The following PUM1 variants were observed in gnomAD, a reference collection of about 807,000 sequenced individuals.
PUM1 encodes the protein pumilio homolog 1.
Under a neutral mutation model 131.8 loss-of-function variants are expected in PUM1, and 13 were observed. The ratio of observed to expected loss-of-function variants is 0.10; its 90% CI spans 0.06 to 0.16. PUM1 has a LOEUF of 0.16. Ranked by LOEUF, PUM1 falls within the 10% of genes least tolerant of loss-of-function variation. The pLI is 1.00. For missense variants in PUM1, 961 were observed against 1,512.4 expected, an observed-to-expected ratio of 0.64 and a Z score of 6.05; for synonymous variants, 509 against 556.5, an observed-to-expected ratio of 0.91 and a Z score of 1.20.
intron 2 of PUM1, among the ~76,000 whole-genome samples, chr1:31,044,359 G>T (rs992291294): frequency 1.7e-4 from 26 of 152,102 alleles, no homozygotes; most frequent in African/African-American, 6.0e-4. Context: ...CTGAGATCGT[G>T]CCACTGCACT....
chr1:31,002,354 T>A lies in PUM1; in HGVS notation c.720+3499A>T, dbSNP rs115158464. On this transcript the variant is annotated intron_variant, in intron 5 of 21. Transcript: ENST00000426105. The stretch of plus-strand genomic sequence containing the variant: ...AGAACAAACAGAAAGACCTTCCCAA[T>A]ATATTTTTTCTAAAAATCTTTCTTC... Among the ~76,000 whole-genome samples, 489 of 152,290 alleles carry A rather than the reference T, an allele frequency of 3.2e-3. 2 individuals are homozygous for A. Among genetic ancestry groups the A allele is most frequent in the African/African-American group, 0.011 (469 of 41,566 alleles).
intron 15 of PUM1, 65 bp downstream of exon 15, chr1:30,953,649 C>T: frequency 6.4e-7 from 1 of 1,566,988 alleles, no homozygotes; most frequent in East Asian, 2.3e-5. Flanking sequence ...AGATACCCAT[C>T]TGAGCCAAGA....
At chr1:31,034,365 G>A (rs1289297252) in intron 2 of PUM1, among the ~76,000 whole-genome samples, 3 of 152,140 alleles carry the variant, frequency 2.0e-5, no homozygotes, top group Admixed American at 1.3e-4. Context: ...TAAAACAAAT[G>A]TACAGGCTCA....
At chr1:31,046,869 C>T (rs1324801137) in intron 2 of PUM1, among the ~76,000 whole-genome samples, 1 of 152,002 alleles carries the variant, frequency 6.6e-6, no homozygotes, top group Non-Finnish European at 1.5e-5. Flanking sequence ...TCACTGACCC[C>T]ACCACTTCTT....
chr1:30,931,794 C>T lies in PUM1; in HGVS notation c.*1417G>A, dbSNP rs1282569737. On this transcript the variant is annotated 3_prime_UTR_variant, in exon 22 of 22. Coordinates refer to ENST00000426105, the MANE Select transcript of PUM1 (RefSeq NM_001020658.2). ...TGCAAAATACAGTTCATCTTCTGTA[C>T]AAAAGGGAAGGGCGATTCACACTTT... 6.6e-6 allele frequency: 1 copy of T among 152,530 alleles called. No individual in the cohort carries two copies. The highest frequency in any genetic ancestry group is 1.5e-5 in the Non-Finnish European group (1 of 68,008). The allele number at this position is 152,530 out of a possible 1,614,324, so 9.4% of individuals were successfully genotyped here.
At chr1:31,024,180 G>T (rs113539126) in intron 3 of PUM1, among the ~76,000 whole-genome samples, 1 of 152,136 alleles carries the variant, frequency 6.6e-6, no homozygotes, top group African/African-American at 2.4e-5. Context: ...CAAAGAAGAT[G>T]AATGTTTGAA....
At chr1:31,026,512 G>A (rs1166644172) in intron 3 of PUM1, among the ~76,000 whole-genome samples, 1 of 152,066 alleles carries the variant, frequency 6.6e-6, no homozygotes, top group Non-Finnish European at 1.5e-5. Flanking sequence ...TATATTCATT[G>A]TTTCCTTAAC....
chr1:31,018,621 G>C (rs533912753), intron 3 of PUM1, among the ~76,000 whole-genome samples: 1 of 152,162 alleles, frequency 6.6e-6, no homozygotes. Flanking sequence ...TCATGGCACC[G>C]TAATCCAGCC....
Position 31,065,563 on chromosome 1 carries a change from G to C in PUM1, c.-12+53C>G, listed in dbSNP as rs896530732. 13 of 1,530,558 alleles carry C rather than the reference G, an allele frequency of 8.5e-6. No homozygotes were observed. In the African/African-American group the frequency reaches 1.8e-4, roughly 21 times the overall value. The allele number at this position is 1,530,558 out of a possible 1,614,324, so 94.8% of individuals were successfully genotyped here. On this transcript the variant is annotated intron_variant, in intron 1 of 21. Transcript: ENST00000426105. ...AAACACCAATATGAAGGGACAATCT[G>C]CTCGTTAGGGGTCCGGAGCAGCGTT...
At chr1:30,979,937 G>T in intron 9 of PUM1, 125 bp downstream of exon 9, 1 of 648,964 alleles carries the variant, frequency 1.5e-6, no homozygotes, top group Non-Finnish European at 2.6e-6. Flanking sequence ...GCAGGTAGAT[G>T]GCATTGAAAA....
intron 14 of PUM1, among the ~76,000 whole-genome samples, chr1:30,958,964 TGA>T (rs776436077): frequency 4.6e-5 from 7 of 152,106 alleles, no homozygotes; most frequent in Admixed American, 6.6e-5. Context: ...AGAGGAAGAT[TGA>T]GAGAGAGATT....
At chr1:31,056,798 T>C (rs147769297) in intron 2 of PUM1, among the ~76,000 whole-genome samples, 37 of 151,752 alleles carry the variant, frequency 2.4e-4, no homozygotes, top group Non-Finnish European at 4.1e-4. Context: ...AGCTAATTTT[T>C]TACTTTATTT....
chr1:30,973,325 C>CA (rs1641005730), intron 10 of PUM1, among the ~76,000 whole-genome samples: 2 of 150,622 alleles, frequency 1.3e-5, no homozygotes, highest in Non-Finnish European at 2.9e-5. Context: ...TTGTTTGGAT[C>CA]ATTTAATATA....
chr1:31,047,006 C>A (rs1643984516), intron 2 of PUM1, among the ~76,000 whole-genome samples: 1 of 151,902 alleles, frequency 6.6e-6, no homozygotes, highest in Non-Finnish European at 1.5e-5. Flanking sequence ...GCCTGGCCAA[C>A]ATAGTGAAAC....
chr1:30,955,746 G>A (rs971631322), intron 14 of PUM1, among the ~76,000 whole-genome samples: 12 of 152,080 alleles, frequency 7.9e-5, no homozygotes, highest in Admixed American at 7.2e-4. Context: ...GGGTTTAATG[G>A]TAGCCACAAA....
At chr1:30,938,375 C>G (rs1639300550) in intron 20 of PUM1, among the ~76,000 whole-genome samples, 1 of 152,188 alleles carries the variant, frequency 6.6e-6, no homozygotes, top group African/African-American at 2.4e-5. Context: ...GACTCAGCCT[C>G]CCAAGTAGCT....
chr1:31,021,712 A>C (rs905995632), intron 3 of PUM1, among the ~76,000 whole-genome samples: 1 of 152,192 alleles, frequency 6.6e-6, no homozygotes, highest in Non-Finnish European at 1.5e-5. Flanking sequence ...CATTTGTATC[A>C]TCTTTGTAAG....
chr1:30,969,102 G>A (rs1025324800), intron 10 of PUM1, among the ~76,000 whole-genome samples: 13 of 151,966 alleles, frequency 8.6e-5, no homozygotes, highest in Admixed American at 4.6e-4. Flanking sequence ...TCAGGAGTTC[G>A]AGACCAGCCT....
chr1:30,952,704 A>AGGGGG (rs1639996608), intron 15 of PUM1, among the ~76,000 whole-genome samples: 1 of 35,298 alleles, frequency 2.8e-5, no homozygotes, highest in Non-Finnish European at 6.4e-5. Context: ...CGGGAGGGGC[A>AGGGGG]GGGGTGCAGG....
Sources: gnomAD v4.1 joint callset for allele counts (sites outside exome capture counted in the v4.1 genomes callset) on GRCh38, gnomAD v4.1.1 for gene constraint, MANE v1.5 for transcripts, NCBI Gene and HGNC (gene_info 2026-07-23, HGNC 2026-07-21) for gene names.